NEK10: variants seen among roughly 807,000 people sequenced by gnomAD.
The protein encoded by NEK10 is NIMA related kinase 10, also known as serine/threonine-protein kinase Nek10.
In NEK10, 122 loss-of-function variants were observed where a neutral mutation model predicts 159.8. That is an observed-to-expected ratio of 0.76 (90% CI 0.66 to 0.89). NEK10 has a LOEUF of 0.89. NEK10 is among the 40% of genes least tolerant of loss of function. The pLI is 0.00. For synonymous variants in NEK10, 466 were observed against 457.1 expected (o/e 1.02, Z -0.25); for missense variants, 1,342 against 1,323.1 (o/e 1.01, Z -0.22).
chr3:27,209,240 GC>G (rs1164839973), intron 23 of NEK10, among the ~76,000 whole-genome samples: 1 of 152,092 alleles, frequency 6.6e-6, no homozygotes, highest in African/African-American at 2.4e-5. Context: ...AATTTCATTG[GC>G]CACCCTGTAT....
chr3:27,222,076 CA>C (rs1952160675), intron 23 of NEK10, among the ~76,000 whole-genome samples: 1 of 152,238 alleles, frequency 6.6e-6, no homozygotes, highest in African/African-American at 2.4e-5. Flanking sequence ...ATTATTTCTT[CA>C]AAAAACTTTT....
rs1234012550 is a variant in NEK10, at chr3:27,115,939, C to T, written c.3299+1G>A. 6.2e-7 allele frequency: 1 copy of T among 1,608,504 alleles called. No individual in the cohort carries two copies. The highest frequency in any genetic ancestry group is 1.7e-5 in the Admixed American group (1 of 59,942). On this transcript the variant is annotated splice_donor_variant, in intron 35 of 35. Coordinates refer to ENST00000691995, the MANE Select transcript of NEK10 (RefSeq NM_001394966.1). LOFTEE classifies it high-confidence loss of function. ...AATTGAAGGCAAACTCTAGCTCTTA[C>T]CTGTTAGATGTAAAATTGTAATAGC...
intron 29 of NEK10, among the ~76,000 whole-genome samples, chr3:27,167,948 G>C (rs1220087462): frequency 2.0e-5 from 3 of 152,136 alleles, no homozygotes; most frequent in African/African-American, 7.2e-5. Flanking sequence ...TTGCCCAAAA[G>C]CATATCCTAA....
intron 5 of NEK10, among the ~76,000 whole-genome samples, chr3:27,339,622 T>C (rs2047056276): frequency 6.6e-6 from 1 of 151,750 alleles, no homozygotes; most frequent in South Asian, 2.1e-4. Context: ...CTACTAAAAA[T>C]ACAAAAATTA....
At chr3:27,279,297 G>A (rs1278260689) in intron 22 of NEK10, among the ~76,000 whole-genome samples, 13 of 152,016 alleles carry the variant, frequency 8.6e-5, no homozygotes, top group Non-Finnish European at 7.4e-5. Context: ...GCAATTCTGT[G>A]TTTCTTTTCT....
intron 22 of NEK10, among the ~76,000 whole-genome samples, chr3:27,273,127 G>T (rs1051154576): frequency 1.3e-5 from 2 of 152,138 alleles, no homozygotes; most frequent in Non-Finnish European, 2.9e-5. Flanking sequence ...AAGGCCCTAT[G>T]GTCAAGGGAA....
At chr3:27,124,424 T>C (rs1171875600) in intron 32 of NEK10, among the ~76,000 whole-genome samples, 1 of 152,178 alleles carries the variant, frequency 6.6e-6, no homozygotes, top group Non-Finnish European at 1.5e-5. Context: ...ATGTATTGAA[T>C]ACTTACAACA....
chr3:27,138,584 A>T (rs1943460496), intron 31 of NEK10, among the ~76,000 whole-genome samples: 2 of 152,192 alleles, frequency 1.3e-5, no homozygotes, highest in Admixed American at 1.3e-4. Context: ...ATAATTCTTT[A>T]CATTAAACCT....
chr3:27,199,140 C>T (rs1949820519), intron 25 of NEK10, among the ~76,000 whole-genome samples: 1 of 151,362 alleles, frequency 6.6e-6, no homozygotes, highest in African/African-American at 2.4e-5. Flanking sequence ...AGAGCTTCTG[C>T]ACAGCAAAGG....
At chr3:27,204,480 C>T (rs1950350691) in intron 23 of NEK10, among the ~76,000 whole-genome samples, 1 of 104,420 alleles carries the variant, frequency 9.6e-6, no homozygotes, top group Non-Finnish European at 1.9e-5. Flanking sequence ...CCACCACAGT[C>T]CCCAGAGTGT....
Position 27,291,464 on chromosome 3 carries a change from A to G in NEK10, c.1476+20T>C. ...TGACTACATAGCAGCCTGCCAAAAT[A>G]TTGAAAACTCAGGACTTACCACTAA... is the stretch of plus-strand genomic sequence containing the variant. On this transcript the variant is annotated intron_variant, in intron 17 of 35. Transcript: ENST00000691995. 6.2e-7 allele frequency: 1 copy of G among 1,602,440 alleles called. No individual in the cohort carries two copies. The highest frequency in any genetic ancestry group is 1.1e-5 in the South Asian group (1 of 90,656).
intron 23 of NEK10, among the ~76,000 whole-genome samples, chr3:27,230,071 G>T (rs1295019688): frequency 6.6e-6 from 1 of 151,998 alleles, no homozygotes; most frequent in Non-Finnish European, 1.5e-5. Context: ...ATAGTTATCA[G>T]GCAAACCAAA....
At position 27,352,509 on chromosome 3, in the gene NEK10, T is replaced by G; in HGVS notation, c.88A>C (p.Lys30Gln). 6.2e-7 allele frequency: 1 copy of G among 1,610,322 alleles called. No homozygotes were observed. The highest frequency in any genetic ancestry group is 1.3e-5 in the African/African-American group (1 of 74,940). Residue 30 changes from lysine (K) to glutamine (Q), a missense_variant, in exon 3 of 36, where the codon AAA becomes CAA. Lys to Gln is a moderately conservative substitution (Grantham distance 53). Transcript: ENST00000691995. ...ACGTTCAAAAGGCACCGAAGTCTTTTAAGATCTGAATAGTCCCTAGGAGAG... is the reference window on the plus strand; with the variant it reads ...ACGTTCAAAAGGCACCGAAGTCTTTGAAGATCTGAATAGTCCCTAGGAGAG... ...EITIRDYSDL[K>Q]RLRCLLNVQS...
intron 32 of NEK10, among the ~76,000 whole-genome samples, chr3:27,127,066 A>G (rs1227441265): frequency 6.6e-6 from 1 of 152,130 alleles, no homozygotes; most frequent in African/African-American, 2.4e-5. Context: ...AACTTCAAAC[A>G]TTTACAAAAG....
At chr3:27,154,968 A>T (rs987875903) in intron 30 of NEK10, among the ~76,000 whole-genome samples, 7 of 152,198 alleles carry the variant, frequency 4.6e-5, no homozygotes, top group Non-Finnish European at 1.0e-4. Context: ...CAAGAGAAGG[A>T]AATAAAGGGC....
chr3:27,227,194 T>C (rs1419786949), intron 23 of NEK10, among the ~76,000 whole-genome samples: 1 of 152,144 alleles, frequency 6.6e-6, no homozygotes, highest in African/African-American at 2.4e-5. Context: ...AATGGAGGTG[T>C]AGAAATTGAT....
chr3:27,198,225 T>C (rs1949727356), intron 25 of NEK10, among the ~76,000 whole-genome samples: 1 of 151,802 alleles, frequency 6.6e-6, no homozygotes, highest in African/African-American at 2.4e-5. Flanking sequence ...GTAGATTCAA[T>C]GCTATTCTTA....
Position 27,109,719 on chromosome 3 carries a change from C to G in NEK10, c.*1553G>C, listed in dbSNP as rs1449802010. On this transcript the variant is annotated 3_prime_UTR_variant, in exon 36 of 36. Transcript: ENST00000691995. ...ACTTGGAACAGAAATAAAATTTTGC[C>G]TGGGTAAATCAATATCATAGCATTT... 6.6e-6 allele frequency among the ~76,000 whole-genome samples: 1 copy of G among 152,040 alleles called. No homozygotes were observed. Among genetic ancestry groups the G allele is most frequent in the African/African-American group, 2.4e-5 (1 of 41,394 alleles).
chr3:27,168,954 T>C (rs1946714355), intron 29 of NEK10, among the ~76,000 whole-genome samples: 1 of 152,304 alleles, frequency 6.6e-6, no homozygotes, highest in African/African-American at 2.4e-5. Context: ...ATAAAGTATT[T>C]AGTTAATGAC....
Sources: gnomAD v4.1 joint callset for allele counts (sites outside exome capture counted in the v4.1 genomes callset) on GRCh38, gnomAD v4.1.1 for gene constraint, MANE v1.5 for transcripts, NCBI Gene and HGNC (gene_info 2026-07-23, HGNC 2026-07-21) for gene names.